SCAF8: variants seen among roughly 807,000 people sequenced by gnomAD.
The protein encoded by SCAF8 is SR-related CTD associated factor 8.
Under a neutral mutation model 140.5 loss-of-function variants are expected in SCAF8, and 23 were observed. The ratio of observed to expected loss-of-function variants is 0.16; its 90% confidence interval spans 0.12 to 0.23. The LOEUF is 0.23. Ranked by LOEUF, SCAF8 falls within the 10% of genes least tolerant of loss-of-function variation. The probability of loss-of-function intolerance (pLI) is 1.00; values close to 1 mark genes in which losing one functional copy is unlikely to be tolerated. For missense variants in SCAF8, 1,397 were observed against 1,555.7 expected (o/e 0.90, Z 1.72); for synonymous variants, 575 against 528.9 (o/e 1.09, Z -1.20).
chr6:154,745,667 TGGG>T (rs1459819213), intron 1 of SCAF8, among the ~76,000 whole-genome samples: 1 of 152,158 alleles, frequency 6.6e-6, no homozygotes, highest in Non-Finnish European at 1.5e-5. Context: ...TAGTATCTTC[TGGG>T]GAGATACTTT....
intron 19 of SCAF8, among the ~76,000 whole-genome samples, chr6:154,831,510 TATCCAGCTAGCTCTAGAAG>T (rs1385653006): frequency 1.3e-5 from 2 of 152,014 alleles, no homozygotes; most frequent in African/African-American, 4.8e-5. Flanking sequence ...TAATAGGTAT[TATCCAGCTAGCTCTAGAAG>T]ATAAATATGG....
chr6:154,782,622 T>A (rs986947463), intron 3 of SCAF8, among the ~76,000 whole-genome samples: 1 of 152,096 alleles, frequency 6.6e-6, no homozygotes, highest in Non-Finnish European at 1.5e-5. Context: ...CAGGGGAGTT[T>A]ATTAAATATT....
At chr6:154,825,928 T>G (rs566020046) in intron 17 of SCAF8, among the ~76,000 whole-genome samples, 22 of 152,192 alleles carry the variant, frequency 1.4e-4, no homozygotes, top group Non-Finnish European at 2.5e-4. Context: ...TATCAAAGTT[T>G]ATTAGGTCAA....
At chr6:154,777,953 C>G (rs1355786439) in intron 2 of SCAF8, 48 bp from the exon 3 acceptor site, 6 of 1,171,784 alleles carry the variant, frequency 5.1e-6, no homozygotes, top group Non-Finnish European at 7.6e-6. Context: ...AAATTTCAAT[C>G]TCCTCAAACT....
chr6:154,822,058 C>T (rs1233460418), intron 15 of SCAF8: 1 of 399,624 alleles, frequency 2.5e-6, no homozygotes, highest in East Asian at 3.6e-5. Context: ...ATTTTAGTGT[C>T]TTTCCTTTGT....
At chr6:154,829,961 G>T (rs1359938635) in intron 18 of SCAF8, among the ~76,000 whole-genome samples, 1 of 152,184 alleles carries the variant, frequency 6.6e-6, no homozygotes, top group Non-Finnish European at 1.5e-5. Context: ...TCATTAGGAA[G>T]AATTGTTTAT....
At chr6:154,812,226 C>G (rs1295226041) in intron 12 of SCAF8, among the ~76,000 whole-genome samples, 1 of 128,540 alleles carries the variant, frequency 7.8e-6, no homozygotes, top group Non-Finnish European at 1.6e-5. Flanking sequence ...TGTGACCACC[C>G]TATGTTGAGT....
chr6:154,797,747 A>G (rs1777647607), intron 6 of SCAF8, among the ~76,000 whole-genome samples: 1 of 151,406 alleles, frequency 6.6e-6, no homozygotes, highest in Non-Finnish European at 1.5e-5. Context: ...CAATAATTAC[A>G]TATTATGCAT....
In SCAF8 at chr6:154,733,742, G is replaced by A. The variant is rs573539318; in HGVS notation, c.-159G>A. 419 of 1,332,452 alleles carry A rather than the reference G, an allele frequency of 3.1e-4. No individual in the cohort carries two copies. The African/African-American group carries it at 5.9e-3, about 19-fold the overall frequency. 82.5% of individuals were successfully genotyped at this position (1,332,452 alleles called of 1,614,324 possible). On this transcript the variant is annotated 5_prime_UTR_variant, in exon 1 of 20. Coordinates refer to ENST00000367178, the MANE Select transcript of SCAF8 (RefSeq NM_014892.5). ...CCGCTGAGGGAGCCCTTCCCCGCCA[G>A]CGCGTGCCCTTCCACTCCGCCCCGA...
chr6:154,741,127 T>C (rs568839658), intron 1 of SCAF8, among the ~76,000 whole-genome samples: 1 of 152,344 alleles, frequency 6.6e-6, no homozygotes, highest in Non-Finnish European at 1.5e-5. Flanking sequence ...CTGATTTTGC[T>C]GTTTTTCTGT....
intron 1 of SCAF8, among the ~76,000 whole-genome samples, chr6:154,770,330 G>A (rs1316456912): frequency 1.3e-5 from 2 of 151,518 alleles, no homozygotes; most frequent in Non-Finnish European, 2.9e-5. Context: ...TGAGTATGGT[G>A]ATCTGTGCCT....
At chr6:154,747,754 G>C (rs887685426) in intron 1 of SCAF8, among the ~76,000 whole-genome samples, 2 of 152,060 alleles carry the variant, frequency 1.3e-5, no homozygotes, top group African/African-American at 4.8e-5. Context: ...AAAGCTGCCT[G>C]GTGGAAATAT....
At chr6:154,754,107 A>G (rs1387452176) in intron 1 of SCAF8, among the ~76,000 whole-genome samples, 1 of 152,234 alleles carries the variant, frequency 6.6e-6, no homozygotes, top group Admixed American at 6.5e-5. Flanking sequence ...GAATTAAATC[A>G]CTTAGAGAAA....
chr6:154,794,964 C>T (rs761143576), intron 5 of SCAF8, 45 bp from the exon 6 acceptor site: 1 of 1,524,954 alleles, frequency 6.6e-7, no homozygotes, highest in Non-Finnish European at 8.8e-7. Context: ...GTCTTAGTTA[C>T]TTACTTACAT....
At chr6:154,816,117 A>C (rs960204939) in intron 13 of SCAF8, among the ~76,000 whole-genome samples, 1 of 152,088 alleles carries the variant, frequency 6.6e-6, no homozygotes, top group Non-Finnish European at 1.5e-5. Context: ...GGTCTGGTTT[A>C]ATTCCTTTTT....
At chr6:154,741,119 G>A (rs1200037796) in intron 1 of SCAF8, among the ~76,000 whole-genome samples, 1 of 152,048 alleles carries the variant, frequency 6.6e-6, no homozygotes, top group Non-Finnish European at 1.5e-5. Flanking sequence ...TTTCAAGTCT[G>A]ATTTTGCTGT....
At chr6:154,794,356 G>T (rs1474223058) in intron 5 of SCAF8, among the ~76,000 whole-genome samples, 1 of 151,924 alleles carries the variant, frequency 6.6e-6, no homozygotes. Flanking sequence ...GTTAAGTATT[G>T]TAGGCTTTAG....
chr6:154,819,105 AC>A (rs1416434953), intron 14 of SCAF8, among the ~76,000 whole-genome samples: 5 of 151,644 alleles, frequency 3.3e-5, no homozygotes, highest in African/African-American at 1.2e-4. Context: ...TCTTTCCATT[AC>A]TTTCTATGAT....
chr6:154,779,151 G>C (rs1307619844), intron 3 of SCAF8, among the ~76,000 whole-genome samples: 2 of 152,096 alleles, frequency 1.3e-5, no homozygotes, highest in Non-Finnish European at 2.9e-5. Context: ...TCTTGCCTCA[G>C]CCTCCCCTGT....
Sources: allele counts gnomAD v4.1 joint callset (sites outside exome capture counted in the v4.1 genomes callset), GRCh38; gene constraint gnomAD v4.1.1; transcripts MANE v1.5; gene names NCBI Gene and HGNC (gene_info 2026-07-23, HGNC 2026-07-21).